SPRR2G: variants seen among roughly 807,000 people sequenced by gnomAD.
SPRR2G encodes small proline-rich protein 2G.
A neutral mutation model predicts 0.7 loss-of-function variants in SPRR2G; 1 was observed. That is an observed-to-expected ratio of 1.49 (90% CI 0.53 to 7.06). The LOEUF (loss-of-function observed/expected upper bound fraction) is 7.06, where lower values mean the gene tolerates loss of function less well. Ranked by LOEUF, SPRR2G falls within the 30% of genes most tolerant of loss-of-function variation. The probability of loss-of-function intolerance (pLI) is 0.14; values close to 1 mark genes in which losing one functional copy is unlikely to be tolerated. For missense variants in SPRR2G, 96 were observed against 88.5 expected, an observed-to-expected ratio of 1.09 and a Z score of -0.34; for synonymous variants, 38 against 33.9, an observed-to-expected ratio of 1.12 and a Z score of -0.42.
chr1:153,194,119 T>C, the SPRR2G span, among the ~76,000 whole-genome samples: 1 of 152,194 alleles, frequency 6.6e-6, no homozygotes, highest in East Asian at 1.9e-4. Flanking sequence ...AATTTTACTC[T>C]TTCTGATGTT....
upstream of SPRR2G, among the ~76,000 whole-genome samples, chr1:153,151,398 G>A (rs1656464519): frequency 2.6e-5 from 4 of 152,124 alleles, no homozygotes; most frequent in Admixed American, 1.3e-4. Flanking sequence ...ACTTGAACAG[G>A]GTGACAAAAT....
the SPRR2G span, among the ~76,000 whole-genome samples, chr1:153,183,592 T>G: frequency 7.2e-5 from 11 of 152,208 alleles, no homozygotes; most frequent in African/African-American, 2.4e-4. Flanking sequence ...TAAATTTATT[T>G]AAATTCCTTG....
chr1:153,153,437 T>A (rs1164872330), upstream of SPRR2G, among the ~76,000 whole-genome samples: 4 of 152,154 alleles, frequency 2.6e-5, no homozygotes, highest in Non-Finnish European at 1.5e-5. Flanking sequence ...GAAATGGTAA[T>A]AATAATACTT....
At chr1:153,166,876 G>A in the SPRR2G span, among the ~76,000 whole-genome samples, 1 of 110,350 alleles carries the variant, frequency 9.1e-6, no homozygotes, top group African/African-American at 2.9e-5. Flanking sequence ...AGAATTTGAG[G>A]GCAGTTAAAA....
chr1:153,149,950 T>A lies in SPRR2G; in HGVS notation c.161A>T (p.Lys54Ile), dbSNP rs1656424471. 1 of 1,613,860 alleles carries A rather than the reference T, an allele frequency of 6.2e-7. No individual in the cohort carries two copies. The highest frequency in any genetic ancestry group is 1.3e-5 in the African/African-American group (1 of 74,842). ...EHCPPPPCQD[K>I]CPPVQPYPPC... ...TGGGTATGGTTGCACAGGAGGGCAT[T>A]TATCCTGGCATGGTGGAGGTGGGCA... The change falls in exon 2 of 2, where the codon AAA (lysine) becomes ATA (isoleucine). Residue 54 changes from lysine (K) to isoleucine (I), a missense_variant. Transcript: ENST00000368748.
chr1:153,170,281 G>T, the SPRR2G span, among the ~76,000 whole-genome samples: 1 of 152,030 alleles, frequency 6.6e-6, no homozygotes, highest in Admixed American at 6.6e-5. Flanking sequence ...TTACTCCAAA[G>T]CTCCTTGAAA....
chr1:153,158,083 C>T, the SPRR2G span, among the ~76,000 whole-genome samples: 17 of 152,140 alleles, frequency 1.1e-4, no homozygotes, highest in Admixed American at 5.9e-4. Context: ...TATTCTGCTC[C>T]TGGACCCTCC....
upstream of SPRR2G, among the ~76,000 whole-genome samples, chr1:153,153,437 T>C (rs1164872330): frequency 3.9e-5 from 6 of 152,154 alleles, no homozygotes; most frequent in Non-Finnish European, 7.4e-5. Context: ...GAAATGGTAA[T>C]AATAATACTT....
chr1:153,174,453 C>A, the SPRR2G span: 5 of 152,224 alleles, frequency 3.3e-5, no homozygotes, highest in Non-Finnish European at 5.9e-5. Flanking sequence ...ACTGCCACAG[C>A]GACTGCTCCA....
the SPRR2G span, among the ~76,000 whole-genome samples, chr1:153,187,662 G>A: frequency 2.0e-5 from 3 of 152,032 alleles, no homozygotes; most frequent in African/African-American, 4.8e-5. Flanking sequence ...CTTTAGCTCA[G>A]AGGAGTTTGT....
chr1:153,185,842 T>C, the SPRR2G span, among the ~76,000 whole-genome samples: 1 of 152,228 alleles, frequency 6.6e-6, no homozygotes, highest in Non-Finnish European at 1.5e-5. Flanking sequence ...CTTTCTGATG[T>C]AGGCATTTAG....
the SPRR2G span, among the ~76,000 whole-genome samples, chr1:153,162,259 T>C: frequency 6.6e-6 from 1 of 152,200 alleles, no homozygotes. Flanking sequence ...ACACGTGGTA[T>C]TTGGTTTTCT....
the SPRR2G span, among the ~76,000 whole-genome samples, chr1:153,187,568 C>T: frequency 1.2e-3 from 179 of 152,188 alleles, 5 homozygotes; most frequent in East Asian, 0.021. Context: ...TTATCTTCTT[C>T]TCCAAACTGG....
the SPRR2G span, among the ~76,000 whole-genome samples, chr1:153,182,827 G>A: frequency 5.6e-4 from 85 of 152,196 alleles, no homozygotes; most frequent in African/African-American, 2.0e-3. Context: ...TTGCTATTGT[G>A]AATAGTGCTA....
At chr1:153,186,445 A>G in the SPRR2G span, among the ~76,000 whole-genome samples, 1 of 152,190 alleles carries the variant, frequency 6.6e-6, no homozygotes, top group South Asian at 2.1e-4. Context: ...TTCTTGTTGC[A>G]TTGATCCCTT....
At chr1:153,190,868 TG>T in the SPRR2G span, 2 of 150,476 alleles carry the variant, frequency 1.3e-5, no homozygotes, top group Non-Finnish European at 3.0e-5. Context: ...AGACCTATGA[TG>T]TTTTTTTTTT....
chr1:153,181,479 C>T, the SPRR2G span, among the ~76,000 whole-genome samples: 1 of 152,122 alleles, frequency 6.6e-6, no homozygotes, highest in Non-Finnish European at 1.5e-5. Flanking sequence ...AGTCAGCTCA[C>T]TCTAATATCA....
At chr1:153,151,766 T>C (rs994393856), upstream of SPRR2G, among the ~76,000 whole-genome samples, 22 of 152,250 alleles carry the variant, frequency 1.4e-4, no homozygotes, top group Non-Finnish European at 3.2e-4. Flanking sequence ...ATTTCAGGCT[T>C]TCTTTGCACA....
the SPRR2G span, among the ~76,000 whole-genome samples, chr1:153,193,986 A>G: frequency 6.6e-6 from 1 of 152,112 alleles, no homozygotes; most frequent in African/African-American, 2.4e-5. Flanking sequence ...AACCAAAGAC[A>G]CAGATCACAG....
Sources: allele counts gnomAD v4.1 joint callset (sites outside exome capture counted in the v4.1 genomes callset), GRCh38; gene constraint gnomAD v4.1.1; transcripts MANE v1.5; gene names NCBI Gene and HGNC (gene_info 2026-07-23, HGNC 2026-07-21).